Variants in BNC2 observed in about 807,000 individuals in gnomAD.
BNC2 encodes basonuclin zinc finger protein 2.
Under a neutral mutation model 76.3 loss-of-function variants are expected in BNC2, and 20 were observed. The ratio of observed to expected loss-of-function variants is 0.26; its 90% CI spans 0.18 to 0.38. The LOEUF (loss-of-function observed/expected upper bound fraction) is 0.38. Ranked by LOEUF, BNC2 falls within the 10% of genes least tolerant of loss-of-function variation. The probability of loss-of-function intolerance (pLI) is 1.00; values close to 1 mark genes in which losing one functional copy is unlikely to be tolerated. For missense variants in BNC2, 1,382 were observed against 1,399.8 expected (o/e 0.99, Z 0.20); for synonymous variants, 582 against 514.8 (o/e 1.13, Z -1.77).
intron 3 of BNC2, among the ~76,000 whole-genome samples, chr9:16,701,668 G>A (rs910651326): frequency 1.3e-5 from 2 of 152,138 alleles, no homozygotes; most frequent in African/African-American, 2.4e-5. Context: ...ACAGGCAGGC[G>A]TGGTGGCTCA....
intron 3 of BNC2, among the ~76,000 whole-genome samples, chr9:16,708,158 G>A (rs955072777): frequency 1.7e-4 from 26 of 152,180 alleles, no homozygotes; most frequent in African/African-American, 6.0e-4. Flanking sequence ...GAGTTTTGTA[G>A]AAATGTTAAT....
chr9:16,870,561 CG>C (rs1819657907), intron 1 of BNC2, 84 bp downstream of exon 1: 1 of 1,516,040 alleles, frequency 6.6e-7, no homozygotes, highest in African/African-American at 1.4e-5. Context: ...ACACGGCCCC[CG>C]GGCGGCCCCG....
intron 5 of BNC2, among the ~76,000 whole-genome samples, chr9:16,550,826 C>A (rs915370407): frequency 3.3e-5 from 5 of 152,110 alleles, no homozygotes; most frequent in Admixed American, 6.6e-5. Flanking sequence ...GGACTGTTAG[C>A]CAAGCTAACA....
At chr9:16,683,746 T>TA (rs1822893030) in intron 3 of BNC2, among the ~76,000 whole-genome samples, 1 of 152,204 alleles carries the variant, frequency 6.6e-6, no homozygotes, top group Admixed American at 6.5e-5. Context: ...TAGGTATTTC[T>TA]AAAATGTGCA....
intron 6 of BNC2, among the ~76,000 whole-genome samples, chr9:16,434,002 T>C (rs1021567256): frequency 3.9e-5 from 6 of 152,192 alleles, no homozygotes; most frequent in African/African-American, 1.4e-4. Context: ...ATTCAAAATA[T>C]AGCTATCTTA....
At chr9:16,425,371 A>G (rs1228747464) in intron 6 of BNC2, among the ~76,000 whole-genome samples, 4 of 150,730 alleles carry the variant, frequency 2.7e-5, no homozygotes, top group Non-Finnish European at 5.9e-5. Context: ...TTCACAGTGA[A>G]TTATGCTGCC....
At chr9:16,799,591 T>C (rs1817734213) in intron 1 of BNC2, among the ~76,000 whole-genome samples, 1 of 152,080 alleles carries the variant, frequency 6.6e-6, no homozygotes, top group African/African-American at 2.4e-5. Flanking sequence ...TTTACTTTCT[T>C]CAGGCAATAA....
In BNC2 at chr9:16,418,837, C is replaced by G. The variant is rs931541699; in HGVS notation, c.*152G>C. On this transcript the variant is annotated 3_prime_UTR_variant, in exon 7 of 7. Transcript: ENST00000380672. Reference sequence around the variant, plus strand: ...TTATCTTGTTTATCTCAAGGAAATACGTGTGTGTATATGTAGCCACAGAGC... The same window carrying G: ...TTATCTTGTTTATCTCAAGGAAATAGGTGTGTGTATATGTAGCCACAGAGC... The G allele has an allele frequency of 1.2e-6, 1 of 823,726 alleles. No individual in the cohort carries two copies. Among genetic ancestry groups the G allele is most frequent in the African/African-American group, 1.8e-5 (1 of 55,284 alleles). 51.0% of individuals were successfully genotyped at this position (823,726 alleles called of 1,614,324 possible).
intron 1 of BNC2, among the ~76,000 whole-genome samples, chr9:16,855,949 G>A (rs906670584): frequency 6.6e-6 from 1 of 152,072 alleles, no homozygotes; most frequent in African/African-American, 2.4e-5. Context: ...ACATTTACTT[G>A]CTGGCTGCTA....
At chr9:16,725,796 T>C (rs1824298977) in intron 3 of BNC2, among the ~76,000 whole-genome samples, 1 of 152,206 alleles carries the variant, frequency 6.6e-6, no homozygotes, top group Non-Finnish European at 1.5e-5. Context: ...TTATTTGTTT[T>C]TTAGTTAAAA....
intron 1 of BNC2, among the ~76,000 whole-genome samples, chr9:16,850,697 C>A (rs1382213231): frequency 6.6e-6 from 1 of 151,914 alleles, no homozygotes; most frequent in African/African-American, 2.4e-5. Context: ...CCTCAGGAAG[C>A]TGAGGTAGGG....
intron 3 of BNC2, among the ~76,000 whole-genome samples, chr9:16,712,890 G>T (rs1315811421): frequency 6.6e-6 from 1 of 152,166 alleles, no homozygotes; most frequent in Non-Finnish European, 1.5e-5. Context: ...TGACTAGTCC[G>T]TCAAATTCCA....
intron 3 of BNC2, among the ~76,000 whole-genome samples, chr9:16,618,613 C>A (rs1385267589): frequency 6.6e-6 from 1 of 152,140 alleles, no homozygotes; most frequent in African/African-American, 2.4e-5. Flanking sequence ...TCTACAAGTT[C>A]TCCAAAACTA....
intron 2 of BNC2, 123 bp from the exon 3 acceptor site, chr9:16,728,120 G>T: frequency 1.6e-6 from 1 of 644,592 alleles, no homozygotes; most frequent in Non-Finnish European, 2.8e-6. Context: ...GGAGGGAGGG[G>T]GTCAGAGCTT....
chr9:16,645,996 G>A (rs1821612164), intron 3 of BNC2, among the ~76,000 whole-genome samples: 1 of 152,166 alleles, frequency 6.6e-6, no homozygotes, highest in African/African-American at 2.4e-5. Flanking sequence ...TTCCTTTCAG[G>A]TCATTCCACA....
intron 5 of BNC2, among the ~76,000 whole-genome samples, chr9:16,449,080 T>C (rs1316910708): frequency 2.6e-5 from 4 of 152,260 alleles, no homozygotes; most frequent in South Asian, 2.1e-4. Context: ...ACAATCAATA[T>C]ATGTTACTAT....
chr9:16,664,882 T>G (rs1822223116), intron 3 of BNC2, among the ~76,000 whole-genome samples: 1 of 100,194 alleles, frequency 1.0e-5, no homozygotes. Flanking sequence ...ATAAGCATTG[T>G]GCTGATGCTG....
intron 5 of BNC2, among the ~76,000 whole-genome samples, chr9:16,527,527 T>A (rs1461761896): frequency 6.6e-6 from 1 of 152,090 alleles, no homozygotes; most frequent in African/African-American, 2.4e-5. Context: ...TTCCTACAAG[T>A]ATATGGCTGC....
intron 5 of BNC2, among the ~76,000 whole-genome samples, chr9:16,546,980 A>G (rs1485094714): frequency 6.6e-6 from 1 of 152,230 alleles, no homozygotes; most frequent in East Asian, 1.9e-4. Flanking sequence ...AGCGAGTTAC[A>G]GTGATGAATA....
Sources: allele counts gnomAD v4.1 joint callset (sites outside exome capture counted in the v4.1 genomes callset), GRCh38; gene constraint gnomAD v4.1.1; transcripts MANE v1.5; gene names NCBI Gene and HGNC (gene_info 2026-07-23, HGNC 2026-07-21).